KCNIP4: variants seen among roughly 807,000 people sequenced by gnomAD.
KCNIP4 encodes the protein Kv channel-interacting protein 4.
Under a neutral mutation model 34.0 loss-of-function variants are expected in KCNIP4, and 12 were observed. That is an observed-to-expected ratio of 0.35 (90% CI 0.23 to 0.57). The LOEUF (loss-of-function observed/expected upper bound fraction) is 0.57. Among genes scored for constraint, KCNIP4 ranks in the 20% least tolerant of loss-of-function variants. KCNIP4 has a pLI of 0.83. For synonymous variants in KCNIP4, 124 were observed against 102.2 expected (o/e 1.21, Z -1.29); for missense variants, 238 against 311.7 (o/e 0.76, Z 1.78).
At chr4:21,168,701 T>A (rs900766962) in intron 1 of KCNIP4, among the ~76,000 whole-genome samples, 1 of 152,188 alleles carries the variant, frequency 6.6e-6, no homozygotes, top group Non-Finnish European at 1.5e-5. Flanking sequence ...CAGAAACTTA[T>A]ATTTGTAAAT....
chr4:20,990,186 G>T (rs1209612382), intron 1 of KCNIP4, among the ~76,000 whole-genome samples: 1 of 152,036 alleles, frequency 6.6e-6, no homozygotes, highest in Admixed American at 6.5e-5. Flanking sequence ...CTACCCGCAG[G>T]TGCCCTCTAC....
intron 3 of KCNIP4, among the ~76,000 whole-genome samples, chr4:20,841,990 C>T (rs990622059): frequency 3.9e-5 from 6 of 152,098 alleles, no homozygotes; most frequent in African/African-American, 9.7e-5. Flanking sequence ...GCCGCCCCAT[C>T]GAAAGAAGCT....
chr4:21,199,787 A>G (rs1277641815), intron 1 of KCNIP4, among the ~76,000 whole-genome samples: 1 of 106,206 alleles, frequency 9.4e-6, no homozygotes, highest in Non-Finnish European at 1.9e-5. Context: ...ACTTGGAACC[A>G]ACCCAAATGT....
chr4:20,806,742 T>C (rs1715141569), intron 3 of KCNIP4, among the ~76,000 whole-genome samples: 1 of 152,052 alleles, frequency 6.6e-6, no homozygotes, highest in Non-Finnish European at 1.5e-5. Flanking sequence ...TTTCAAAAGA[T>C]ATTAAATATC....
chr4:21,065,495 A>G (rs535365971), intron 1 of KCNIP4, among the ~76,000 whole-genome samples: 1 of 152,176 alleles, frequency 6.6e-6, no homozygotes, highest in African/African-American at 2.4e-5. Context: ...TAAAAAAATC[A>G]TATTTAATTG....
intron 1 of KCNIP4, among the ~76,000 whole-genome samples, chr4:21,749,593 C>A (rs896110754): frequency 3.3e-5 from 5 of 152,086 alleles, no homozygotes; most frequent in African/African-American, 1.2e-4. Context: ...ATATCCCCAC[C>A]CAATCCTGGA....
rs5856594 is a variant in KCNIP4 at position 20,999,414 on chromosome 4, GTTT to G, written c.62-116708_62-116706del. ...AAAAGAGGGTTTTTGTTGTGGTGGT[GTTT>G]TTTTTTTTTGTTTGTTTTTTGTTTT... On this transcript the variant is annotated intron_variant, in intron 1 of 8. Transcript: ENST00000382152. 9.9e-3 allele frequency among the ~76,000 whole-genome samples: 944 copies of G among 95,346 alleles called. 22 individuals are homozygous for G. Among genetic ancestry groups the G allele is most frequent in the African/African-American group, 0.041 (868 of 21,416 alleles). 62.6% of individuals were successfully genotyped at this position (95,346 alleles called of 152,430 possible).
At chr4:21,818,523 A>G (rs575208115) in intron 1 of KCNIP4, among the ~76,000 whole-genome samples, 1 of 152,322 alleles carries the variant, frequency 6.6e-6, no homozygotes, top group Non-Finnish European at 1.5e-5. Context: ...TGGTGTATGG[A>G]TTTTAAACAA....
rs1266427489 is a variant in KCNIP4, at chr4:21,675,055, C to T, written c.61+273516G>A. ...ATTTGGAAGCAACCTAATTGTCCAT[C>T]AACAGATGAATGGATGAAGAAAATG... On this transcript the variant is annotated intron_variant, in intron 1 of 8. Coordinates refer to ENST00000382152, the MANE Select transcript of KCNIP4 (RefSeq NM_025221.6). 2.0e-5 allele frequency among the ~76,000 whole-genome samples: 3 copies of T among 152,060 alleles called. 1 individual carries two copies. The highest frequency in any genetic ancestry group is 1.3e-4 in the Admixed American group (2 of 15,264).
In KCNIP4 at chr4:21,501,688, T is replaced by TTGTGTGTGTATGTGTGTGTGTGTG. The variant is rs1553893353; in HGVS notation, c.61+446882_61+446883insCACACACACACACATACACACACA. On this transcript the variant is annotated intron_variant, in intron 1 of 8. Transcript: ENST00000382152. ...TTCACATTTTGGGAATGCAGAAGCCTTGTGTGTGTGTGTGTGTGTGTGTGT... is the reference window on the plus strand; with the variant it reads ...TTCACATTTTGGGAATGCAGAAGCCTTGTGTGTGTATGTGTGTGTGTGTGTGTGTGTGTGTGTGTGTGTGTGTGT... Among the ~76,000 whole-genome samples the TTGTGTGTGTATGTGTGTGTGTGTG allele has an allele frequency of 1.1e-3, 136 of 127,318 alleles. 2 individuals carry two copies. The South Asian group carries it at 0.017, about 16-fold the overall frequency. 83.5% of individuals were successfully genotyped at this position (127,318 alleles called of 152,430 possible).
intron 1 of KCNIP4, among the ~76,000 whole-genome samples, chr4:21,493,036 G>A (rs1363132138): frequency 6.6e-6 from 1 of 152,130 alleles, no homozygotes; most frequent in Non-Finnish European, 1.5e-5. Context: ...GCAGGCAATA[G>A]GGTTTTTGTT....
chr4:21,020,067 T>C (rs1739901200), intron 1 of KCNIP4, among the ~76,000 whole-genome samples: 1 of 152,170 alleles, frequency 6.6e-6, no homozygotes, highest in African/African-American at 2.4e-5. Context: ...AAAGCATGCT[T>C]CTGCTGTTTT....
intron 1 of KCNIP4, among the ~76,000 whole-genome samples, chr4:21,213,193 G>T (rs904344434): frequency 6.6e-5 from 10 of 152,218 alleles, no homozygotes; most frequent in African/African-American, 2.4e-4. Context: ...AAAGTTGGGG[G>T]CACTTCTCAA....
intron 1 of KCNIP4, among the ~76,000 whole-genome samples, chr4:21,884,192 G>A (rs1726626336): frequency 6.6e-6 from 1 of 152,108 alleles, no homozygotes; most frequent in Admixed American, 6.5e-5. Context: ...CAAAGTATAA[G>A]TACTTCCTAT....
intron 3 of KCNIP4, among the ~76,000 whole-genome samples, chr4:20,846,034 C>A (rs73802367): frequency 1.3e-5 from 2 of 151,904 alleles, no homozygotes; most frequent in Non-Finnish European, 2.9e-5. Context: ...AATTGTTACA[C>A]GGCAACAGAA....
intron 1 of KCNIP4, among the ~76,000 whole-genome samples, chr4:20,967,629 G>A (rs138553674): frequency 0.024 from 3,635 of 152,150 alleles, 148 homozygotes; most frequent in African/African-American, 0.083. Context: ...AACACCGTAT[G>A]TCTACAACCA....
At chr4:21,613,603 T>C (rs1406103699) in intron 1 of KCNIP4, 1 of 152,128 alleles carries the variant, frequency 6.6e-6, no homozygotes, top group Non-Finnish European at 1.5e-5. Context: ...CCACTAAATT[T>C]TGAGGTAATT....
chr4:21,800,662 G>A (rs1301786800), intron 1 of KCNIP4, among the ~76,000 whole-genome samples: 2 of 152,082 alleles, frequency 1.3e-5, no homozygotes, highest in African/African-American at 4.8e-5. Context: ...TCATTCACAT[G>A]ATGATCTAAA....
chr4:21,352,647 C>T (rs1452940119), intron 1 of KCNIP4, among the ~76,000 whole-genome samples: 2 of 152,258 alleles, frequency 1.3e-5, no homozygotes, highest in Non-Finnish European at 2.9e-5. Flanking sequence ...GCGGAGCCCA[C>T]CACAGCTCAG....
Sources: allele counts gnomAD v4.1 joint callset (sites outside exome capture counted in the v4.1 genomes callset), GRCh38; gene constraint gnomAD v4.1.1; transcripts MANE v1.5; gene names NCBI Gene and HGNC (gene_info 2026-07-23, HGNC 2026-07-21).